Variants in CSMD1 observed in about 807,000 individuals in gnomAD.
CSMD1 encodes the protein CUB and sushi domain-containing protein 1.
CSMD1 carries 213 observed loss-of-function variants against 417.5 expected under a neutral mutation model. The observed-to-expected ratio is 0.51, with a 90% CI of 0.46 to 0.57. CSMD1 has a LOEUF of 0.57. CSMD1 is among the 20% of genes least tolerant of loss of function. The probability of loss-of-function intolerance (pLI) is 0.00; values close to 1 mark genes in which losing one functional copy is unlikely to be tolerated. For missense variants in CSMD1, 6,923 were observed against 4,529.7 expected (o/e 1.53, Z -15.17); for synonymous variants, 2,862 against 1,736.8 (o/e 1.65, Z -16.11).
At chr8:4,510,192 C>T (rs1230399839) in intron 2 of CSMD1, among the ~76,000 whole-genome samples, 4 of 151,896 alleles carry the variant, frequency 2.6e-5, no homozygotes, top group African/African-American at 4.8e-5. Context: ...ATTCACCTTC[C>T]GCCATGATAG....
chr8:4,874,116 C>A (rs1384022954), intron 1 of CSMD1, among the ~76,000 whole-genome samples: 1 of 152,088 alleles, frequency 6.6e-6, no homozygotes, highest in East Asian at 1.9e-4. Flanking sequence ...TAGTATTCCA[C>A]ACCTCAGCTA....
intron 3 of CSMD1, among the ~76,000 whole-genome samples, chr8:4,041,439 C>G (rs553545883): frequency 2.0e-5 from 3 of 152,162 alleles, no homozygotes; most frequent in Non-Finnish European, 2.9e-5. Context: ...TCTTTCGTGC[C>G]TCAACCTACA....
rs535013514 is a variant in CSMD1, at chr8:4,282,433, A to T, written c.415+137520T>A. Among the ~76,000 whole-genome samples, 6 of 152,202 alleles carry T rather than the reference A, an allele frequency of 3.9e-5. No homozygotes were observed. In the South Asian group the frequency reaches 1.2e-3, roughly 32 times the overall value. ...CCCAAGGATGTCCTCTTCTCCAAGC[A>T]AGGTCCTATTGCCAGAGGACGGAAT... On this transcript the variant is annotated intron_variant, in intron 3 of 69. Transcript: ENST00000635120.
At chr8:4,118,815 C>A (rs550244113) in intron 3 of CSMD1, among the ~76,000 whole-genome samples, 12 of 152,278 alleles carry the variant, frequency 7.9e-5, no homozygotes, top group African/African-American at 2.9e-4. Context: ...CAGCACTATT[C>A]ACAATAGCAA....
chr8:3,415,433 C>T (rs1029312847), intron 12 of CSMD1, among the ~76,000 whole-genome samples: 3 of 152,244 alleles, frequency 2.0e-5, no homozygotes, highest in Admixed American at 2.0e-4. Context: ...TCTCAGCTCA[C>T]TGTAACCTCT....
At chr8:3,758,774 T>C (rs1480822975) in intron 5 of CSMD1, among the ~76,000 whole-genome samples, 8 of 152,186 alleles carry the variant, frequency 5.3e-5, no homozygotes, top group Admixed American at 4.6e-4. Context: ...TGTCAATGTG[T>C]CACCTGACAT....
chr8:4,059,987 C>G (rs1032644843), intron 3 of CSMD1, among the ~76,000 whole-genome samples: 3 of 151,974 alleles, frequency 2.0e-5, no homozygotes, highest in African/African-American at 7.3e-5. Flanking sequence ...AGAGACACAG[C>G]CAAAAAAGAG....
chr8:4,991,998 T>C (rs1811492675), intron 1 of CSMD1, among the ~76,000 whole-genome samples: 1 of 151,950 alleles, frequency 6.6e-6, no homozygotes, highest in South Asian at 2.1e-4. Flanking sequence ...CGCACACACT[T>C]GCGCACAGCA....
intron 1 of CSMD1, among the ~76,000 whole-genome samples, chr8:4,732,196 G>C (rs1245077437): frequency 6.6e-6 from 1 of 152,128 alleles, no homozygotes; most frequent in Non-Finnish European, 1.5e-5. Flanking sequence ...CCGCAGACAA[G>C]AACTCAGATG....
chr8:3,136,866 G>C (rs1042250145), intron 41 of CSMD1, among the ~76,000 whole-genome samples: 15 of 152,222 alleles, frequency 9.9e-5, no homozygotes, highest in African/African-American at 3.6e-4. Context: ...ATTTGTGCCA[G>C]TATCTGCAGT....
At chr8:4,035,158 G>T (rs1294855630) in intron 3 of CSMD1, among the ~76,000 whole-genome samples, 1 of 149,426 alleles carries the variant, frequency 6.7e-6, no homozygotes, top group South Asian at 2.2e-4. Flanking sequence ...GGTCCCAGGA[G>T]ATGATGGCGT....
At chr8:3,968,406 C>A (rs960813064) in intron 5 of CSMD1, among the ~76,000 whole-genome samples, 22 of 152,084 alleles carry the variant, frequency 1.4e-4, no homozygotes, top group Non-Finnish European at 1.0e-4. Flanking sequence ...GGCTCTTCTT[C>A]CTTCATGGGT....
At chr8:3,208,449 T>A (rs1295136076) in intron 30 of CSMD1, among the ~76,000 whole-genome samples, 1 of 152,074 alleles carries the variant, frequency 6.6e-6, no homozygotes, top group Admixed American at 6.6e-5. Context: ...GTATTTTTAG[T>A]AGAGATGGGA....
Position 3,773,442 on chromosome 8 carries a change from A to G in CSMD1, c.819-19400T>C, listed in dbSNP as rs533654823. 2.6e-5 allele frequency among the ~76,000 whole-genome samples: 4 copies of G among 152,126 alleles called. No individual in the cohort carries two copies. The South Asian group carries it at 6.2e-4, about 24-fold the overall frequency. On this transcript the variant is annotated intron_variant, in intron 5 of 69. Coordinates refer to ENST00000635120, the MANE Select transcript of CSMD1 (RefSeq NM_033225.6). The stretch of plus-strand genomic sequence containing the variant: ...GCTGGGACGACAGTCATGCACCACT[A>G]TGCCTGGCTAATTATTGTATTTTTT...
chr8:4,048,687 G>C (rs940886303), intron 3 of CSMD1, among the ~76,000 whole-genome samples: 4 of 152,140 alleles, frequency 2.6e-5, no homozygotes, highest in Admixed American at 6.5e-5. Flanking sequence ...TTGGATCAAT[G>C]TGCTTCCTGA....
chr8:3,280,356 G>A (rs1802638112), intron 26 of CSMD1, among the ~76,000 whole-genome samples: 1 of 152,178 alleles, frequency 6.6e-6, no homozygotes, highest in South Asian at 2.1e-4. Flanking sequence ...CAGTCTCAAA[G>A]CATTAGAGGT....
intron 12 of CSMD1, among the ~76,000 whole-genome samples, chr8:3,423,871 G>A (rs1585143723): frequency 6.6e-6 from 1 of 152,058 alleles, no homozygotes; most frequent in Non-Finnish European, 1.5e-5. Flanking sequence ...CAGTCCTACG[G>A]CACGAGCTGC....
chr8:4,366,670 C>G (rs998287210), intron 3 of CSMD1, among the ~76,000 whole-genome samples: 3 of 152,012 alleles, frequency 2.0e-5, no homozygotes, highest in East Asian at 3.9e-4. Context: ...TTGCATGTCT[C>G]TAATAGTTAC....
chr8:4,291,042 T>C (rs1254268202), intron 3 of CSMD1, among the ~76,000 whole-genome samples: 1 of 152,178 alleles, frequency 6.6e-6, no homozygotes, highest in East Asian at 1.9e-4. Flanking sequence ...TGTACCCTAG[T>C]GTAAAATATT....
Sources: allele counts gnomAD v4.1 joint callset (sites outside exome capture counted in the v4.1 genomes callset), GRCh38; gene constraint gnomAD v4.1.1; transcripts MANE v1.5; gene names NCBI Gene and HGNC (gene_info 2026-07-23, HGNC 2026-07-21).